Variants in MARCHF1 observed in about 807,000 individuals in gnomAD.
MARCHF1 encodes membrane associated ring-CH-type finger 1.
A neutral mutation model predicts 54.2 loss-of-function variants in MARCHF1; 40 were observed. That is an observed-to-expected ratio of 0.74 (90% confidence interval 0.57 to 0.96). MARCHF1 has a LOEUF of 0.96. Ranked by LOEUF, MARCHF1 falls within the 40% of genes least tolerant of loss-of-function variation. The pLI, the probability that MARCHF1 is intolerant of heterozygous loss-of-function variation, is 0.00. For synonymous variants in MARCHF1, 236 were observed against 236.3 expected, an observed-to-expected ratio of 1.00 and a Z score of 0.01; for missense variants, 586 against 656.5, an observed-to-expected ratio of 0.89 and a Z score of 1.17.
intron 8 of MARCHF1, chr4:163,555,799 T>A (rs1342057107): frequency 2.8e-6 from 1 of 353,194 alleles, no homozygotes; most frequent in Non-Finnish European, 6.0e-6. Context: ...CTGCCATTGA[T>A]GATGTTTTCC....
chr4:163,944,690 T>C (rs1008092574), intron 3 of MARCHF1, among the ~76,000 whole-genome samples: 4 of 152,202 alleles, frequency 2.6e-5, no homozygotes, highest in South Asian at 2.1e-4. Flanking sequence ...CTTGCAATTC[T>C]TGGAAACTGA....
intron 3 of MARCHF1, among the ~76,000 whole-genome samples, chr4:163,873,115 G>C (rs1750214111): frequency 6.6e-6 from 1 of 152,050 alleles, no homozygotes; most frequent in Non-Finnish European, 1.5e-5. Context: ...TCATAGTTTT[G>C]TTACAAACTG....
chr4:163,592,807 T>C (rs73870614), intron 7 of MARCHF1, among the ~76,000 whole-genome samples: 13,449 of 152,064 alleles, frequency 0.088, 1,016 homozygotes, highest in African/African-American at 0.19. Context: ...TTCAGTCTCA[T>C]AGTGGGCCGG....
intron 2 of MARCHF1, among the ~76,000 whole-genome samples, chr4:164,050,275 C>CAAAAAAAAAAAAAAAAAAAA (rs34642436): frequency 2.5e-5 from 1 of 40,166 alleles, no homozygotes; most frequent in African/African-American, 9.9e-5. Flanking sequence ...ACACTGTCTC[C>CAAAAAAAAAAAAAAAAAAAA]AAAAAAAAAA....
rs552353419 is a variant in MARCHF1, at chr4:163,827,117, T to G, written c.111+26904A>C. On this transcript the variant is annotated intron_variant, in intron 4 of 9. Coordinates refer to ENST00000514618, the MANE Select transcript of MARCHF1 (RefSeq NM_001394959.1). ...AAAAAAGTAATGAAAACATCTTATT[T>G]TTTTGTGTGTGACAGGTAGCAATGT... Among the ~76,000 whole-genome samples, 372 of 152,210 alleles carry G rather than the reference T, an allele frequency of 2.4e-3. 1 individual carries two copies. The highest frequency in any genetic ancestry group is 8.5e-3 in the African/African-American group (353 of 41,558).
intron 1 of MARCHF1, among the ~76,000 whole-genome samples, chr4:164,142,395 G>A (rs1756568944): frequency 6.6e-6 from 1 of 152,166 alleles, no homozygotes; most frequent in South Asian, 2.1e-4. Flanking sequence ...AAAGACAGCA[G>A]TAACCTCTGC....
chr4:164,173,043 T>C (rs1033427319), intron 1 of MARCHF1, among the ~76,000 whole-genome samples: 12 of 150,264 alleles, frequency 8.0e-5, no homozygotes, highest in African/African-American at 2.9e-4. Flanking sequence ...TGAAATCTAA[T>C]GGAGTAAAAA....
At chr4:163,793,838 A>G (rs1747836849) in intron 4 of MARCHF1, among the ~76,000 whole-genome samples, 2 of 152,020 alleles carry the variant, frequency 1.3e-5, no homozygotes, top group South Asian at 4.1e-4. Context: ...CGACCCTCTC[A>G]TGCAGACCCC....
At chr4:163,728,756 T>C (rs1280974081) in intron 4 of MARCHF1, among the ~76,000 whole-genome samples, 2 of 152,214 alleles carry the variant, frequency 1.3e-5, no homozygotes, top group African/African-American at 4.8e-5. Flanking sequence ...AAAGACAGCT[T>C]TATTTCTTGC....
intron 1 of MARCHF1, among the ~76,000 whole-genome samples, chr4:164,174,841 T>G (rs993791391): frequency 6.6e-6 from 1 of 152,218 alleles, no homozygotes; most frequent in Non-Finnish European, 1.5e-5. Context: ...AAAAGAGTCA[T>G]GCTTTTTATA....
chr4:164,358,387 G>T (rs971317593), intron 1 of MARCHF1, among the ~76,000 whole-genome samples: 1 of 152,128 alleles, frequency 6.6e-6, no homozygotes, highest in African/African-American at 2.4e-5. Flanking sequence ...ATCCAAGGAA[G>T]TTTTCTTTGC....
intron 5 of MARCHF1, among the ~76,000 whole-genome samples, chr4:163,622,373 A>G (rs7667696): frequency 0.085 from 12,973 of 152,064 alleles, 1,715 homozygotes; most frequent in African/African-American, 0.29. Context: ...AGGAAATGGA[A>G]GGGGAATGGG....
At chr4:163,539,867 G>T (rs1193501700) in intron 9 of MARCHF1, among the ~76,000 whole-genome samples, 1 of 152,168 alleles carries the variant, frequency 6.6e-6, no homozygotes, top group Non-Finnish European at 1.5e-5. Flanking sequence ...CTTATCAGCT[G>T]GAGTTCATCT....
At chr4:164,186,422 A>G (rs1730972175) in intron 1 of MARCHF1, among the ~76,000 whole-genome samples, 1 of 152,220 alleles carries the variant, frequency 6.6e-6, no homozygotes, top group Non-Finnish European at 1.5e-5. Context: ...GAGAACCAAT[A>G]CACTGCTCAC....
intron 8 of MARCHF1, among the ~76,000 whole-genome samples, chr4:163,578,987 T>C (rs1329911701): frequency 1.3e-5 from 2 of 152,164 alleles, no homozygotes; most frequent in Admixed American, 1.3e-4. Flanking sequence ...TGTTTACGGA[T>C]GGATGCTTCC....
intron 9 of MARCHF1, among the ~76,000 whole-genome samples, chr4:163,541,476 C>T (rs375652553): frequency 2.2e-4 from 34 of 152,072 alleles, no homozygotes; most frequent in Admixed American, 1.9e-3. Context: ...TTAAACTTAG[C>T]GATAGGCTTA....
chr4:164,109,757 A>G (rs548092374), intron 2 of MARCHF1, among the ~76,000 whole-genome samples: 25 of 151,708 alleles, frequency 1.6e-4, no homozygotes, highest in African/African-American at 6.0e-4. Context: ...CCTACATGAT[A>G]CCCAACTTGG....
chr4:163,828,014 TAC>T (rs748460236), intron 4 of MARCHF1, among the ~76,000 whole-genome samples: 17,740 of 124,416 alleles, frequency 0.14, 1,075 homozygotes, highest in Admixed American at 0.15. Context: ...TGCGCAGGCA[TAC>T]ACACACACAC....
At chr4:163,646,695 T>C (rs1475370089) in intron 5 of MARCHF1, among the ~76,000 whole-genome samples, 2 of 152,068 alleles carry the variant, frequency 1.3e-5, no homozygotes. Context: ...GTTATCAGCT[T>C]AATATAACCT....
Sources: gnomAD v4.1 joint callset for allele counts (sites outside exome capture counted in the v4.1 genomes callset) on GRCh38, gnomAD v4.1.1 for gene constraint, MANE v1.5 for transcripts, NCBI Gene and HGNC (gene_info 2026-07-23, HGNC 2026-07-21) for gene names.